Variants in NXF1 observed in about 807,000 individuals in gnomAD.
The protein encoded by NXF1 is mRNA export factor TAP.
Under a neutral mutation model 92.4 loss-of-function variants are expected in NXF1, and 43 were observed. The observed-to-expected ratio is 0.47, with a 90% confidence interval of 0.36 to 0.60. NXF1 has a LOEUF of 0.60. Ranked by LOEUF, NXF1 falls within the 20% of genes least tolerant of loss-of-function variation. NXF1 has a pLI of 0.00. For synonymous variants in NXF1, 288 were observed against 292.2 expected, an observed-to-expected ratio of 0.99 and a Z score of 0.15; for missense variants, 576 against 793.0, an observed-to-expected ratio of 0.73 and a Z score of 3.29.
chr11:62,794,310 T>G lies in NXF1; in HGVS notation c.1708A>C (p.Met570Leu), dbSNP rs756641801. Residue 570 changes from methionine to leucine, a missense_variant, in exon 19 of 21, where the codon ATG becomes CTG. Physicochemically the swap from Met to Leu is conservative, Grantham distance 15 (BLOSUM62 2). This residue lies in a region of NXF1 where 425 missense variants were observed against 635.2 expected (regional missense o/e 0.67). Coordinates refer to ENST00000294172, the MANE Select transcript of NXF1 (RefSeq NM_006362.5). ...VPTLSPEQQE[M>L]LQAFSTQSGM... ...GACTGGGTAGAGAATGCTTGCAACA[T>G]TTCCTGCTGCTCTGGAGAGAGGGTG... 1.2e-6 allele frequency: 2 copies of G among 1,614,178 alleles called. No homozygotes were observed. Among genetic ancestry groups the G allele is most frequent in the South Asian group, 1.1e-5 (1 of 91,080 alleles).
chr11:62,792,232 T>C lies in NXF1; in HGVS notation c.*244A>G, dbSNP rs1264691924. ...CCTGGGGTTAAGTACACAAAGCACC[T>C]AAGTCCTTCGGGTAGTTTAGTGTCA... On this transcript the variant is annotated 3_prime_UTR_variant, in exon 21 of 21. Coordinates refer to ENST00000294172, the MANE Select transcript of NXF1 (RefSeq NM_006362.5). 7.5e-6 allele frequency: 5 copies of C among 669,428 alleles called. No individual in the cohort carries two copies. In the Admixed American group the frequency reaches 1.3e-4, roughly 18 times the overall value. 41.5% of individuals were successfully genotyped at this position (669,428 alleles called of 1,614,324 possible). A position where few individuals can be genotyped will look rare whatever the true frequency, so the allele number is the denominator to read the frequency against.
rs1204784583 is a variant in NXF1, at chr11:62,802,193, G to C, written c.437C>G (p.Pro146Arg). Residue 146 changes from proline (P) to arginine (R), a missense_variant, in exon 4 of 21, where the codon CCC becomes CGC. Transcript: ENST00000294172. ...TTGTCTTACCTCAATAGGGGTGAAG[G>C]GCACACTGCACTTGCTCTGAATCAT... is the stretch of plus-strand genomic sequence containing the variant. Reference protein sequence around the residue: ...LSMIQSKCSVPFTPIEFHYEN... With the variant: ...LSMIQSKCSVRFTPIEFHYEN... 1 of 1,614,144 alleles carries C rather than the reference G, an allele frequency of 6.2e-7. No homozygotes were observed. Among genetic ancestry groups the C allele is most frequent in the Admixed American group, 1.7e-5 (1 of 60,028 alleles).
At position 62,796,528 on chromosome 11, in the gene NXF1, G is replaced by A; in HGVS notation, c.1218C>T (p.Leu406=). 1.2e-6 allele frequency: 2 copies of A among 1,614,070 alleles called. No individual in the cohort carries two copies. The highest frequency in any genetic ancestry group is 2.2e-5 in the South Asian group (2 of 91,086). The change falls in exon 14 of 21, where the codon CTC becomes CTT. Residue 406 remains leucine (L), a synonymous_variant. Coordinates refer to ENST00000294172, the MANE Select transcript of NXF1 (RefSeq NM_006362.5). ...AIYDSGDRQG[L]LDAYHDGACC... The stretch of plus-strand genomic sequence containing the variant: ...AGGCCCCATCATGGTAGGCATCCAG[G>A]AGCCCTTGTCGGTCTCCAGAGTCGT...
At position 62,798,545 on chromosome 11, in the gene NXF1, T is replaced by C. The variant is rs777598606; in HGVS notation, c.1047A>G (p.Leu349=). The change falls in exon 11 of 21, where the codon CTA becomes CTG. Residue 349 remains leucine (L), a synonymous_variant. Coordinates refer to ENST00000294172, the MANE Select transcript of NXF1 (RefSeq NM_006362.5). ...SAIRERFPKL[L]RLDGHELPPP... is the part of the protein sequence containing the mutation. ...GAAAAAATTATGGACTTACCAGGCG[T>C]AGTAACTTGGGAAATCGTTCGCGAA... is the stretch of plus-strand genomic sequence containing the variant. The C allele has an allele frequency of 1.1e-5, 17 of 1,613,958 alleles. No individual in the cohort carries two copies. The South Asian group carries it at 1.8e-4, about 17-fold the overall frequency.
At chr11:62,798,610 A>G in intron 10 of NXF1, 35 bp from the exon 11 acceptor site, 6 of 1,613,222 alleles carry the variant, frequency 3.7e-6, no homozygotes, top group Non-Finnish European at 4.2e-6. Flanking sequence ...GTGATGCTTC[A>G]GAGCCACCGT....
Position 62,796,672 on chromosome 11 carries a change from C to T in NXF1, c.1179-105G>A, listed in dbSNP as rs1000409694. ...TGTGGCCGGGCATGGAAGCTCATGC[C>T]TGTAATCCCAGCACTTTGGGAGGCT... On this transcript the variant is annotated intron_variant, in intron 13 of 20. Transcript: ENST00000294172. The T allele has an allele frequency of 5.4e-6, 4 of 745,200 alleles. No homozygotes were observed. The African/African-American group carries it at 7.0e-5, about 13-fold the overall frequency. The allele number at this position is 745,200 out of a possible 1,614,324, so 46.2% of individuals were successfully genotyped here.
intron 17 of NXF1, chr11:62,795,368 C>T (rs189822309): frequency 2.3e-3 from 470 of 204,344 alleles, no homozygotes; most frequent in African/African-American, 9.2e-3. Flanking sequence ...CCCAGCTACT[C>T]GGGAGGCTGA....
At chr11:62,800,149 C>A in intron 10 of NXF1, 2 of 1,386,540 alleles carry the variant, frequency 1.4e-6, no homozygotes, top group Admixed American at 3.1e-5. Flanking sequence ...AGAGAAAGGC[C>A]ACAGACCCAG....
chr11:62,795,114 G>A, intron 17 of NXF1, 107 bp from the exon 18 acceptor site: 1 of 1,089,850 alleles, frequency 9.2e-7, no homozygotes, highest in South Asian at 1.3e-5. Context: ...AAGTCAGAGA[G>A]GAATGATTAA....
At chr11:62,801,003 G>A in intron 9 of NXF1, 91 bp downstream of exon 9, 1 of 956,678 alleles carries the variant, frequency 1.0e-6, no homozygotes, top group Non-Finnish European at 1.7e-6. Context: ...TCTGGCCTGA[G>A]TTCTCTCTCT....
chr11:62,800,052 T>C (rs879690542), intron 10 of NXF1: 58 of 1,161,046 alleles, frequency 5.0e-5, no homozygotes, highest in Non-Finnish European at 6.2e-5. Context: ...ATGTACAAGA[T>C]ACCCTCTGGT....
chr11:62,805,277 C>G, intron 1 of NXF1, 52 bp downstream of exon 1: 1 of 1,571,150 alleles, frequency 6.4e-7, no homozygotes, highest in Non-Finnish European at 8.6e-7. Flanking sequence ...AGGCCGGCGC[C>G]GCCCACCCGC....
rs562723765 is a variant in NXF1, at chr11:62,794,735, A to T, written c.1577+200T>A. 1.8e-5 allele frequency: 11 copies of T among 600,838 alleles called. No homozygotes were observed. In the African/African-American group the frequency reaches 1.8e-4, roughly 10 times the overall value. 37.2% of individuals were successfully genotyped at this position (600,838 alleles called of 1,614,324 possible). On this transcript the variant is annotated intron_variant, in intron 18 of 20. Transcript: ENST00000294172. ...GATGAGGCAGCAGCCTACTTGCTAG[A>T]AGTGGTGGAGCCAGGATGAAAACCC... is the stretch of plus-strand genomic sequence containing the variant.
At position 62,796,528 on chromosome 11, in the gene NXF1, G is replaced by C. The variant is rs779322858; in HGVS notation, c.1218C>G (p.Leu406=). 1 of 1,614,070 alleles carries C rather than the reference G, an allele frequency of 6.2e-7. No homozygotes were observed. Among genetic ancestry groups the C allele is most frequent in the Non-Finnish European group, 8.5e-7 (1 of 1,179,984 alleles). Residue 406 remains leucine, a synonymous_variant, in exon 14 of 21, where the codon CTC becomes CTG. Transcript: ENST00000294172. Reference sequence around the variant, plus strand: ...AGGCCCCATCATGGTAGGCATCCAGGAGCCCTTGTCGGTCTCCAGAGTCGT... The same window carrying C: ...AGGCCCCATCATGGTAGGCATCCAGCAGCCCTTGTCGGTCTCCAGAGTCGT... ...AIYDSGDRQG[L]LDAYHDGACC...
Position 62,803,530 on chromosome 11 carries a change from C to T in NXF1, c.258G>A (p.Trp86Ter). The T allele has an allele frequency of 6.2e-7, 1 of 1,614,016 alleles. No individual in the cohort carries two copies. Among genetic ancestry groups the T allele is most frequent in the Non-Finnish European group, 8.5e-7 (1 of 1,180,024 alleles). ...TTRPNRRGDT[W>*]HDRDRIHVTV... ...TAACATGAATGCGATCTCGATCATG[C>T]CAAGTATCACCCCGACGGTTAGGTC... is the stretch of plus-strand genomic sequence containing the variant. The change falls in exon 3 of 21, where the codon TGG becomes TGA. Residue 86 changes from tryptophan (W) to a stop codon, truncating the protein, a stop_gained. Coordinates refer to ENST00000294172, the MANE Select transcript of NXF1 (RefSeq NM_006362.5). LOFTEE classifies it high-confidence loss of function.
rs758584659 is a variant in NXF1, at chr11:62,794,263, G to T, written c.1755C>A (p.Ser585=). 1.9e-6 allele frequency: 3 copies of T among 1,612,812 alleles called. No homozygotes were observed. In the East Asian group the frequency reaches 6.7e-5, roughly 36 times the overall value. ...STQSGMNLEW[S]QKCLQDNNWD... is the part of the protein sequence containing the mutation. ...TACACATGCCCCGCACTCACTTCTG[G>T]GACCACTCGAGGTTCATGCCAGACT... Residue 585 remains serine (S), a synonymous_variant, in exon 19 of 21, where the codon TCC becomes TCA. Transcript: ENST00000294172.
In NXF1 at chr11:62,802,055, G is replaced by C; in HGVS notation, c.454-9C>G. 5 of 1,613,508 alleles carry C rather than the reference G, an allele frequency of 3.1e-6. No homozygotes were observed. The highest frequency in any genetic ancestry group is 4.2e-6 in the Non-Finnish European group (5 of 1,179,396). ...GTATTCTCATAGTGAAACTACAAGA[G>C]GAAACAGGAGCATTACACTGGGAGT... On this transcript the variant is annotated splice_polypyrimidine_tract_variant and intron_variant, in intron 4 of 20. Transcript: ENST00000294172.
intron 9 of NXF1, 119 bp from the exon 10 acceptor site, chr11:62,800,605 CTT>C (rs569196618): frequency 0.057 from 26,448 of 463,750 alleles, no homozygotes; most frequent in South Asian, 0.078. Flanking sequence ...AAAATTTTTT[CTT>C]TTTTTTTTTT....
chr11:62,800,629 G>A, intron 9 of NXF1, 143 bp from the exon 10 acceptor site: 1 of 583,658 alleles, frequency 1.7e-6, no homozygotes, highest in Non-Finnish European at 3.0e-6. Flanking sequence ...TTTGGGACAG[G>A]GTCTCACTCT....
Sources: allele counts gnomAD v4.1 joint callset, GRCh38; gene constraint gnomAD v4.1.1; regional missense constraint gnomAD v4.1.1; transcripts MANE v1.5; gene names NCBI Gene and HGNC (gene_info 2026-07-23, HGNC 2026-07-21).